Variants in CACNA2D3 observed in about 807,000 individuals in gnomAD.
CACNA2D3 encodes the protein calcium voltage-gated channel auxiliary subunit alpha2delta 3.
In CACNA2D3, 60 loss-of-function variants were observed where a neutral mutation model predicts 160.6. That is an observed-to-expected ratio of 0.37 (90% CI 0.30 to 0.46). CACNA2D3 has a LOEUF of 0.46. Among genes scored for constraint, CACNA2D3 ranks in the 20% least tolerant of loss-of-function variants. The pLI is 1.00. For missense variants in CACNA2D3, 1,205 were observed against 1,365.0 expected (o/e 0.88, Z 1.85); for synonymous variants, 558 against 492.9 (o/e 1.13, Z -1.75).
Position 54,426,106 on chromosome 3 carries a change from C to T in CACNA2D3, c.381+39332C>T, listed in dbSNP as rs1018782459. 3.3e-5 allele frequency among the ~76,000 whole-genome samples: 5 copies of T among 152,108 alleles called. No individual in the cohort carries two copies. The East Asian group carries it at 9.7e-4, about 29-fold the overall frequency. ...TGTCCTGGAGAATTTTTCAGATAGA[C>T]GTCATCTCTGGCTTACATAGTGGTC... On this transcript the variant is annotated intron_variant, in intron 4 of 37. Coordinates refer to ENST00000474759, the MANE Select transcript of CACNA2D3 (RefSeq NM_018398.3).
chr3:54,736,632 T>G (rs756768813), intron 11 of CACNA2D3, among the ~76,000 whole-genome samples: 5 of 152,224 alleles, frequency 3.3e-5, no homozygotes, highest in Non-Finnish European at 7.3e-5. Flanking sequence ...ACCTTGTATT[T>G]GTATTGGTGC....
At chr3:54,475,743 C>A (rs571720020) in intron 4 of CACNA2D3, among the ~76,000 whole-genome samples, 2 of 151,066 alleles carry the variant, frequency 1.3e-5, no homozygotes. Context: ...TTAAGGTATA[C>A]AAAGTGATGT....
chr3:54,862,403 ACG>A (rs1241172152), intron 17 of CACNA2D3, among the ~76,000 whole-genome samples: 1 of 151,226 alleles, frequency 6.6e-6, no homozygotes, highest in Non-Finnish European at 1.5e-5. Flanking sequence ...ACACACACAC[ACG>A]CACACACACG....
intron 35 of CACNA2D3, among the ~76,000 whole-genome samples, chr3:55,049,902 T>C (rs890501993): frequency 4.6e-5 from 7 of 150,978 alleles, no homozygotes; most frequent in Non-Finnish European, 8.8e-5. Context: ...TAAAGTCTGT[T>C]TTATCAGAGA....
chr3:54,360,572 A>G lies in CACNA2D3; in HGVS notation c.322-26143A>G, dbSNP rs146076830. On this transcript the variant is annotated intron_variant, in intron 3 of 37. Transcript: ENST00000474759. ...TGAGTTTTGGGCACTTAAGCTATCA[A>G]TCGTTACCTTTGGTCTGACCCTGGG... 6.7e-3 allele frequency among the ~76,000 whole-genome samples: 1,019 copies of G among 152,106 alleles called. 12 individuals are homozygous for G. Among genetic ancestry groups the G allele is most frequent in the African/African-American group, 0.023 (965 of 41,492 alleles).
rs139226081 is a variant in CACNA2D3, at chr3:54,843,995, G to A, written c.1552-2398G>A. On this transcript the variant is annotated intron_variant, in intron 16 of 37. Coordinates refer to ENST00000474759, the MANE Select transcript of CACNA2D3 (RefSeq NM_018398.3). Reference sequence around the variant, plus strand: ...CCTGTTGGATACTTGGTTTGCCACTGAAGGGGGAGACTGAGGCCAGCACAT... The same window carrying A: ...CCTGTTGGATACTTGGTTTGCCACTAAAGGGGGAGACTGAGGCCAGCACAT... Among the ~76,000 whole-genome samples the A allele has an allele frequency of 2.7e-3, 407 of 152,294 alleles. 4 individuals are homozygous for A. The highest frequency in any genetic ancestry group is 9.0e-3 in the African/African-American group (374 of 41,554).
chr3:54,315,526 C>T (rs1436634705), intron 2 of CACNA2D3, among the ~76,000 whole-genome samples: 2 of 152,090 alleles, frequency 1.3e-5, no homozygotes, highest in East Asian at 1.9e-4. Context: ...AATTTTTAGA[C>T]CCTCAGTCAC....
rs144438156 is a variant in CACNA2D3, at chr3:54,504,928, G to A, written c.544+1274G>A. Among the ~76,000 whole-genome samples, 980 of 152,308 alleles carry A rather than the reference G, an allele frequency of 6.4e-3. 9 individuals carry two copies. Among genetic ancestry groups the A allele is most frequent in the African/African-American group, 0.022 (933 of 41,576 alleles). ...TACAACAGTACCATACAGAAAGTGC[G>A]CAGTGCATTTTAGCTGCCGTTGTTT... On this transcript the variant is annotated intron_variant, in intron 5 of 37. Transcript: ENST00000474759.
At chr3:55,067,848 A>G (rs1339854666) in intron 35 of CACNA2D3, among the ~76,000 whole-genome samples, 1 of 152,202 alleles carries the variant, frequency 6.6e-6, no homozygotes, top group Non-Finnish European at 1.5e-5. Flanking sequence ...AAGTAATCCT[A>G]GAGGTTACAA....
At chr3:54,477,951 C>A (rs942501803) in intron 4 of CACNA2D3, among the ~76,000 whole-genome samples, 1 of 152,144 alleles carries the variant, frequency 6.6e-6, no homozygotes, top group Non-Finnish European at 1.5e-5. Context: ...TTCAATTAAC[C>A]CCTCTGACAA....
chr3:55,007,917 TTG>T (rs1314458640), intron 33 of CACNA2D3, 75 bp downstream of exon 33: 1 of 951,312 alleles, frequency 1.1e-6, no homozygotes, highest in Non-Finnish European at 1.5e-6. Context: ...ATCTAAGAGA[TTG>T]TGAGTCATGC....
chr3:54,383,893 T>G (rs899762935), intron 3 of CACNA2D3, among the ~76,000 whole-genome samples: 2 of 152,248 alleles, frequency 1.3e-5, no homozygotes, highest in African/African-American at 4.8e-5. Context: ...ATTGCAGTGT[T>G]TATGGTTGAA....
rs904487804 is a variant in CACNA2D3 at position 54,927,775 on chromosome 3, C to T, written c.2449+27907C>T. 15 of 987,802 alleles carry T rather than the reference C, an allele frequency of 1.5e-5. No individual in the cohort carries two copies. In the African/African-American group the frequency reaches 1.9e-4, roughly 13 times the overall value. The allele number at this position is 987,802 out of a possible 1,614,324, so 61.2% of individuals were successfully genotyped here. On this transcript the variant is annotated intron_variant, in intron 27 of 37. Transcript: ENST00000474759. ...AAACATAAATCATTCCATGCAGAGACATTTTTCATATCTGTCCAGTCTTTT... is the reference window on the plus strand; with the variant it reads ...AAACATAAATCATTCCATGCAGAGATATTTTTCATATCTGTCCAGTCTTTT...
chr3:54,782,945 C>T (rs1021804586), intron 13 of CACNA2D3, among the ~76,000 whole-genome samples: 2 of 152,150 alleles, frequency 1.3e-5, no homozygotes, highest in Non-Finnish European at 2.9e-5. Context: ...AAAACGCACA[C>T]CAGACCCTGT....
At chr3:54,898,349 A>G (rs1327439917) in intron 26 of CACNA2D3, among the ~76,000 whole-genome samples, 1 of 150,056 alleles carries the variant, frequency 6.7e-6, no homozygotes, top group Non-Finnish European at 1.5e-5. Context: ...CAGCCTCCTC[A>G]GTAGCTGGGA....
intron 8 of CACNA2D3, among the ~76,000 whole-genome samples, chr3:54,578,431 A>G (rs1200878311): frequency 6.6e-6 from 1 of 152,230 alleles, no homozygotes; most frequent in Non-Finnish European, 1.5e-5. Context: ...AAGATTTCCA[A>G]ATAAAGGGCT....
intron 3 of CACNA2D3, among the ~76,000 whole-genome samples, chr3:54,373,169 C>T (rs994263914): frequency 6.6e-6 from 1 of 152,164 alleles, no homozygotes; most frequent in Non-Finnish European, 1.5e-5. Context: ...CTGAAGCCAC[C>T]AGTGTCGTAT....
intron 14 of CACNA2D3, among the ~76,000 whole-genome samples, chr3:54,834,518 T>C (rs1698627568): frequency 1.3e-5 from 2 of 152,236 alleles, no homozygotes; most frequent in South Asian, 4.1e-4. Context: ...CCAAAAACTA[T>C]TACAGACTGT....
At chr3:54,189,998 C>T (rs940268306) in intron 2 of CACNA2D3, among the ~76,000 whole-genome samples, 5 of 152,180 alleles carry the variant, frequency 3.3e-5, no homozygotes, top group Non-Finnish European at 7.3e-5. Context: ...AGCTTATAAA[C>T]AACAGAAATT....
Sources: allele counts gnomAD v4.1 joint callset (sites outside exome capture counted in the v4.1 genomes callset), GRCh38; gene constraint gnomAD v4.1.1; transcripts MANE v1.5; gene names NCBI Gene and HGNC (gene_info 2026-07-23, HGNC 2026-07-21).